The following ACACB variants were observed in gnomAD, a reference collection of about 807,000 sequenced individuals.
The protein encoded by ACACB is acetyl-CoA carboxylase beta.
ACACB carries 209 observed loss-of-function variants against 278.8 expected under a neutral mutation model. The observed-to-expected ratio is 0.75, with a 90% CI of 0.67 to 0.84. The LOEUF (loss-of-function observed/expected upper bound fraction) is 0.84, where lower values mean the gene tolerates loss of function less well. Among genes scored for constraint, ACACB ranks in the 40% least tolerant of loss-of-function variants. The probability of loss-of-function intolerance (pLI) is 0.00; values close to 1 mark genes in which losing one functional copy is unlikely to be tolerated. For synonymous variants in ACACB, 1,174 were observed against 1,285.6 expected, an observed-to-expected ratio of 0.91 and a Z score of 1.86; for missense variants, 2,850 against 3,269.0, an observed-to-expected ratio of 0.87 and a Z score of 3.13.
intron 1 of ACACB, among the ~76,000 whole-genome samples, chr12:109,120,571 A>ATGTGTG (rs954231637): frequency 6.6e-6 from 1 of 151,726 alleles, no homozygotes; most frequent in African/African-American, 2.4e-5. Context: ...GTGTGTGTGT[A>ATGTGTG]TGTGTGTGTG....
chr12:109,214,217 G>A (rs1190652921), intron 22 of ACACB, among the ~76,000 whole-genome samples: 12 of 152,104 alleles, frequency 7.9e-5, no homozygotes, highest in Admixed American at 3.9e-4. Context: ...AGCTGTGATC[G>A]CGCCATTGCA....
intron 1 of ACACB, among the ~76,000 whole-genome samples, chr12:109,125,020 T>G (rs901302545): frequency 6.6e-6 from 1 of 152,114 alleles, no homozygotes; most frequent in African/African-American, 2.4e-5. Flanking sequence ...GGCCCAACTC[T>G]CATTGTTCTC....
At chr12:109,161,753 T>C (rs868506235) in intron 2 of ACACB, among the ~76,000 whole-genome samples, 1 of 119,334 alleles carries the variant, frequency 8.4e-6, no homozygotes, top group Non-Finnish European at 1.9e-5. Flanking sequence ...GTGTGTGTGG[T>C]GTGTGTGTGT....
intron 2 of ACACB, among the ~76,000 whole-genome samples, chr12:109,143,917 C>T (rs530772952): frequency 3.3e-5 from 5 of 152,034 alleles, no homozygotes; most frequent in South Asian, 4.2e-4. Flanking sequence ...TGGTGACTCA[C>T]GCGTTTGGGG....
intron 1 of ACACB, among the ~76,000 whole-genome samples, chr12:109,138,238 G>A (rs2043016564): frequency 6.6e-6 from 1 of 152,144 alleles, no homozygotes; most frequent in Non-Finnish European, 1.5e-5. Flanking sequence ...AAATAACAAT[G>A]ATCTACTCAT....
At chr12:109,254,781 CTTT>C (rs111235224) in intron 44 of ACACB, among the ~76,000 whole-genome samples, 1 of 145,334 alleles carries the variant, frequency 6.9e-6, no homozygotes, top group Non-Finnish European at 1.5e-5. Context: ...GTCTCCTCTT[CTTT>C]TTTTTTTTTT....
intron 21 of ACACB, among the ~76,000 whole-genome samples, chr12:109,210,365 G>GTA (rs1260238312): frequency 8.8e-6 from 1 of 113,574 alleles, no homozygotes; most frequent in African/African-American, 3.2e-5. Flanking sequence ...GTGTATATAT[G>GTA]TATATACACG....
At chr12:109,129,124 A>T (rs573384060) in intron 1 of ACACB, among the ~76,000 whole-genome samples, 5 of 152,244 alleles carry the variant, frequency 3.3e-5, no homozygotes, top group South Asian at 2.1e-4. Flanking sequence ...AATAAATAAA[A>T]AAGAATGGAT....
At chr12:109,247,754 C>A in intron 40 of ACACB, 51 bp downstream of exon 40, 1 of 1,434,578 alleles carries the variant, frequency 7.0e-7, no homozygotes, top group Non-Finnish European at 9.8e-7. Context: ...TTAATTTCAG[C>A]TGTCTTCTTT....
intron 2 of ACACB, among the ~76,000 whole-genome samples, chr12:109,141,087 A>C (rs1055421716): frequency 1.3e-5 from 2 of 151,678 alleles, no homozygotes; most frequent in Non-Finnish European, 2.9e-5. Context: ...TTTTTTATAG[A>C]AATGGGAATC....
At chr12:109,221,677 C>T (rs750539502) in intron 24 of ACACB, among the ~76,000 whole-genome samples, 8 of 152,040 alleles carry the variant, frequency 5.3e-5, no homozygotes, top group Non-Finnish European at 8.8e-5. Context: ...GTGCTGTGTT[C>T]GAATCTGGCT....
At chr12:109,150,023 G>A (rs1176302167) in intron 2 of ACACB, among the ~76,000 whole-genome samples, 3 of 152,180 alleles carry the variant, frequency 2.0e-5, no homozygotes, top group Non-Finnish European at 4.4e-5. Context: ...TGAAGTCATC[G>A]TGTTACCTCC....
chr12:109,155,092 A>G (rs1055024433), intron 2 of ACACB, among the ~76,000 whole-genome samples: 1 of 151,710 alleles, frequency 6.6e-6, no homozygotes, highest in African/African-American at 2.4e-5. Flanking sequence ...GCTGCTGGGG[A>G]GATGATGCCC....
At chr12:109,236,080 C>T (rs1421270926) in intron 33 of ACACB, 2 of 162,192 alleles carry the variant, frequency 1.2e-5, no homozygotes, top group Non-Finnish European at 2.7e-5. Context: ...GATTCTCTTG[C>T]TTCAGCCTCC....
At position 109,246,414 on chromosome 12, in the gene ACACB, A is replaced by C; in HGVS notation, c.5537A>C (p.His1846Pro). The C allele has an allele frequency of 6.2e-7, 1 of 1,613,722 alleles. No individual in the cohort carries two copies. Among genetic ancestry groups the C allele is most frequent in the Non-Finnish European group, 8.5e-7 (1 of 1,179,846 alleles). The change falls in exon 39 of 53, where the codon CAC (histidine) becomes CCC (proline). Residue 1846 changes from histidine to proline, a missense_variant. Around this residue, in one of 3 missense-constraint regions of ACACB, gnomAD observed 2,265 missense variants for 2,561.3 expected, o/e 0.88. Coordinates refer to ENST00000338432, the MANE Select transcript of ACACB (RefSeq NM_001093.4). Reference sequence around the variant, plus strand: ...GCAGAGGAGATCAAACACATGTTCCACGTGGCTTGGGTGGACCCAGAAGAC... The same window carrying C: ...GCAGAGGAGATCAAACACATGTTCCCCGTGGCTTGGGTGGACCCAGAAGAC... Reference protein sequence around the residue: ...GMAEEIKHMFHVAWVDPEDPH... With the variant: ...GMAEEIKHMFPVAWVDPEDPH...
chr12:109,154,365 G>A (rs993356728), intron 2 of ACACB, among the ~76,000 whole-genome samples: 3 of 152,314 alleles, frequency 2.0e-5, no homozygotes, highest in Admixed American at 6.5e-5. Context: ...GCACAGTGGC[G>A]ACCTCTGACT....
chr12:109,217,053 G>A (rs71456685), intron 24 of ACACB, 133 bp downstream of exon 24: 10 of 1,199,886 alleles, frequency 8.3e-6, no homozygotes, highest in African/African-American at 4.6e-5. Context: ...AGGCTGAGGC[G>A]GGCAGATCAC....
intron 1 of ACACB, among the ~76,000 whole-genome samples, chr12:109,134,982 GC>G (rs1419294154): frequency 6.6e-6 from 1 of 152,222 alleles, no homozygotes; most frequent in Non-Finnish European, 1.5e-5. Context: ...CCATAGTACT[GC>G]TATGTATTTG....
chr12:109,194,481 GCCACCCCCCAAC>G (rs2045023297), intron 16 of ACACB, among the ~76,000 whole-genome samples: 1 of 144,230 alleles, frequency 6.9e-6, no homozygotes, highest in Non-Finnish European at 1.5e-5. Flanking sequence ...ACAGGCATGA[GCCACCCCCCAAC>G]CTCTGCCTCT....
Sources: gnomAD v4.1 joint callset for allele counts (sites outside exome capture counted in the v4.1 genomes callset) on GRCh38, gnomAD v4.1.1 for gene constraint, gnomAD v4.1.1 regional missense constraint, MANE v1.5 for transcripts, NCBI Gene and HGNC (gene_info 2026-07-23, HGNC 2026-07-21) for gene names.